DIS3L2: variants seen among roughly 807,000 people sequenced by gnomAD.
The protein encoded by DIS3L2 is DIS3-like exonuclease 2.
Under a neutral mutation model 97.5 loss-of-function variants are expected in DIS3L2, and 34 were observed. The observed-to-expected ratio is 0.35, with a 90% CI of 0.27 to 0.46. The LOEUF is 0.46. Ranked by LOEUF, DIS3L2 falls within the 20% of genes least tolerant of loss-of-function variation. The pLI is 1.00. For synonymous variants in DIS3L2, 435 were observed against 445.2 expected (o/e 0.98, Z 0.29); for missense variants, 1,038 against 1,146.0 (o/e 0.91, Z 1.36).
rs560015968 is a variant in DIS3L2 at position 232,334,481 on chromosome 2, C to G, written c.2271C>G (p.Phe757Leu). 6 of 1,613,908 alleles carry G rather than the reference C, an allele frequency of 3.7e-6. No homozygotes were observed. The African/African-American group carries it at 6.7e-5, about 18-fold the overall frequency. The change falls in exon 18 of 21, where the codon TTC becomes TTG. Residue 757 changes from phenylalanine to leucine, a missense_variant. By Grantham distance (22) the Phe-to-Leu change is conservative. Coordinates refer to ENST00000325385, the MANE Select transcript of DIS3L2 (RefSeq NM_152383.5). ...KRVQELSTSL[F>L]FAVLVKESGP... The stretch of plus-strand genomic sequence containing the variant: ...TGCAGGAGCTCAGTACCAGTCTCTT[C>G]TTTGCTGTTCTGGTCAAGGTGAGCC...
intron 9 of DIS3L2, among the ~76,000 whole-genome samples, chr2:232,173,011 T>C (rs905181593): frequency 2.6e-5 from 4 of 152,228 alleles, no homozygotes; most frequent in Non-Finnish European, 5.9e-5. Context: ...TAAGTGTAGT[T>C]TCTGTATTCC....
chr2:232,118,352 G>A (rs1697791235), intron 6 of DIS3L2, among the ~76,000 whole-genome samples: 1 of 152,194 alleles, frequency 6.6e-6, no homozygotes, highest in Admixed American at 6.5e-5. Flanking sequence ...AGTAGAGTCT[G>A]CTTGTCACAG....
rs569240194 is a variant in DIS3L2 at position 232,006,165 on chromosome 2, C to T, written c.-93-8670C>T. Among the ~76,000 whole-genome samples the T allele has an allele frequency of 1.8e-4, 27 of 151,856 alleles. No individual in the cohort carries two copies. In the South Asian group the frequency reaches 4.0e-3, roughly 22 times the overall value. On this transcript the variant is annotated intron_variant, in intron 1 of 20. Transcript: ENST00000325385. ...TCGTGTCACTGCACTCCAGCTTGGG[C>T]GACAGAGCGAGACTCTGCCTTGAAA...
intron 5 of DIS3L2, among the ~76,000 whole-genome samples, chr2:232,042,888 G>C (rs1190330790): frequency 6.6e-6 from 1 of 152,160 alleles, no homozygotes; most frequent in Non-Finnish European, 1.5e-5. Context: ...GGCAGTGATG[G>C]CACATTCTAA....
intron 9 of DIS3L2, among the ~76,000 whole-genome samples, chr2:232,172,025 ATC>A (rs1227804276): frequency 1.3e-5 from 2 of 152,186 alleles, no homozygotes; most frequent in Non-Finnish European, 2.9e-5. Flanking sequence ...TCTAAATAAA[ATC>A]TGTTTGGAAA....
intron 6 of DIS3L2, among the ~76,000 whole-genome samples, chr2:232,092,700 T>G (rs1696880906): frequency 6.6e-6 from 1 of 152,218 alleles, no homozygotes; most frequent in African/African-American, 2.4e-5. Context: ...TCAGATTGTT[T>G]GCTGTTAGCA....
intron 14 of DIS3L2, among the ~76,000 whole-genome samples, chr2:232,304,628 C>G (rs1471444126): frequency 6.6e-6 from 1 of 152,208 alleles, no homozygotes. Context: ...TTCTCACTGC[C>G]AGGACTGTGG....
downstream of DIS3L2, among the ~76,000 whole-genome samples, chr2:232,342,099 T>C (rs1696113551): frequency 1.1e-5 from 1 of 90,336 alleles, no homozygotes; most frequent in Admixed American, 1.3e-4. Flanking sequence ...CAGTAGGCTG[T>C]GTGTGTGTGT....
rs192431135 is a variant in DIS3L2, at chr2:232,287,672, G to A, written c.1660-12368G>A. Among the ~76,000 whole-genome samples, 178 of 152,100 alleles carry A rather than the reference G, an allele frequency of 1.2e-3. 1 individual carries two copies. Among genetic ancestry groups the A allele is most frequent in the Non-Finnish European group, 2.0e-3 (137 of 67,986 alleles). On this transcript the variant is annotated intron_variant, in intron 13 of 20. Transcript: ENST00000325385. ...CTCCCAAAGTGCTGTGATTACAGACGTGAGCCACCTCACCCAGCCCCATTT... is the reference window on the plus strand; with the variant it reads ...CTCCCAAAGTGCTGTGATTACAGACATGAGCCACCTCACCCAGCCCCATTT...
intron 13 of DIS3L2, among the ~76,000 whole-genome samples, chr2:232,266,977 G>A (rs2106285019): frequency 6.6e-6 from 1 of 152,244 alleles, no homozygotes; most frequent in African/African-American, 2.4e-5. Flanking sequence ...CGAATGAATG[G>A]GGGCTGAGTG....
chr2:232,009,406 CTG>C (rs944300619), intron 1 of DIS3L2, among the ~76,000 whole-genome samples: 25 of 152,252 alleles, frequency 1.6e-4, no homozygotes, highest in African/African-American at 5.5e-4. Flanking sequence ...TCCATGGAGT[CTG>C]TTTCTCCATG....
At chr2:232,250,314 C>T (rs1693382794) in intron 12 of DIS3L2, among the ~76,000 whole-genome samples, 1 of 151,234 alleles carries the variant, frequency 6.6e-6, no homozygotes, top group Non-Finnish European at 1.5e-5. Context: ...CTCCCAAAAC[C>T]TCACTAAAAC....
chr2:232,324,927 G>A (rs555332284), intron 14 of DIS3L2, among the ~76,000 whole-genome samples: 1 of 152,324 alleles, frequency 6.6e-6, no homozygotes, highest in South Asian at 2.1e-4. Context: ...GGCCAGGAGA[G>A]GGGAGGGACA....
chr2:232,263,950 A>T (rs1460998878), intron 13 of DIS3L2, among the ~76,000 whole-genome samples: 1 of 152,232 alleles, frequency 6.6e-6, no homozygotes, highest in African/African-American at 2.4e-5. Context: ...ATATCTGAAG[A>T]TGCAGAGAAC....
chr2:231,966,497 C>T (rs1361584852), intron 1 of DIS3L2, among the ~76,000 whole-genome samples: 1 of 151,976 alleles, frequency 6.6e-6, no homozygotes, highest in African/African-American at 2.4e-5. Flanking sequence ...CAGAATCTCA[C>T]TCTGCTGCCC....
At chr2:232,155,235 T>C (rs28450614) in intron 8 of DIS3L2, among the ~76,000 whole-genome samples, 1 of 9,146 alleles carries the variant, frequency 1.1e-4, no homozygotes, top group African/African-American at 1.3e-3. Flanking sequence ...CCCCCCTCCT[T>C]AATTTTCTAA....
At chr2:232,069,308 A>T (rs559536809) in intron 5 of DIS3L2, among the ~76,000 whole-genome samples, 1 of 152,316 alleles carries the variant, frequency 6.6e-6, no homozygotes, top group South Asian at 2.1e-4. Context: ...TTGATTCTCT[A>T]TCAAAAATTG....
At chr2:232,157,005 ATATAT>A (rs1439950486) in intron 8 of DIS3L2, among the ~76,000 whole-genome samples, 1 of 152,192 alleles carries the variant, frequency 6.6e-6, no homozygotes, top group East Asian at 1.9e-4. Context: ...CCTCAAAATA[ATATAT>A]TATTAACTTC....
At chr2:231,962,756 C>A (rs1405829575) in intron 1 of DIS3L2, among the ~76,000 whole-genome samples, 1 of 152,156 alleles carries the variant, frequency 6.6e-6, no homozygotes, top group African/African-American at 2.4e-5. Context: ...TGTTTATGTC[C>A]ATGTGCGCTC....
Sources: gnomAD v4.1 joint callset for allele counts (sites outside exome capture counted in the v4.1 genomes callset) on GRCh38, gnomAD v4.1.1 for gene constraint, MANE v1.5 for transcripts, NCBI Gene and HGNC (gene_info 2026-07-23, HGNC 2026-07-21) for gene names.